Variants in DYTN observed in about 807,000 individuals in gnomAD.
DYTN encodes the protein dystrotelin.
In DYTN, 75 loss-of-function variants were observed where a neutral mutation model predicts 69.6. The ratio of observed to expected loss-of-function variants is 1.08; its 90% confidence interval spans 0.89 to 1.31. The LOEUF is 1.31. Among genes scored for constraint, DYTN ranks in the 50% most tolerant of loss-of-function variants. DYTN has a pLI of 0.00. For synonymous variants in DYTN, 252 were observed against 249.1 expected, an observed-to-expected ratio of 1.01 and a Z score of -0.11; for missense variants, 726 against 688.4, an observed-to-expected ratio of 1.05 and a Z score of -0.61.
chr2:206,677,515 A>G (rs915954041), intron 9 of DYTN, among the ~76,000 whole-genome samples: 3 of 152,034 alleles, frequency 2.0e-5, no homozygotes, highest in Non-Finnish European at 4.4e-5. Context: ...GGAATAGGGG[A>G]CTCTCTTAGC....
intron 11 of DYTN, among the ~76,000 whole-genome samples, chr2:206,653,889 A>C (rs1037728449): frequency 1.3e-5 from 2 of 152,194 alleles, no homozygotes; most frequent in Non-Finnish European, 2.9e-5. Context: ...CAACACCGTC[A>C]TCTCTTGGCT....
At chr2:206,659,846 A>C (rs557920450) in intron 11 of DYTN, among the ~76,000 whole-genome samples, 19 of 152,328 alleles carry the variant, frequency 1.2e-4, no homozygotes, top group African/African-American at 4.3e-4. Context: ...AACGGTAGCC[A>C]TGAAGATTAA....
At chr2:206,660,009 TTTTTCTTGCA>T (rs1553571346) in intron 11 of DYTN, among the ~76,000 whole-genome samples, 1 of 151,814 alleles carries the variant, frequency 6.6e-6, no homozygotes, top group Non-Finnish European at 1.5e-5. Flanking sequence ...ATGTGTACTT[TTTTTCTTGCA>T]AAGAAAAAAA....
At chr2:206,653,998 A>G (rs1008132203) in intron 11 of DYTN, among the ~76,000 whole-genome samples, 4 of 152,164 alleles carry the variant, frequency 2.6e-5, no homozygotes, top group African/African-American at 7.2e-5. Flanking sequence ...ATAGAAACAT[A>G]CCCCACTTCA....
chr2:206,686,189 T>G (rs13016009), intron 9 of DYTN, among the ~76,000 whole-genome samples: 23,730 of 152,130 alleles, frequency 0.16, 2,052 homozygotes, highest in East Asian at 0.21. Flanking sequence ...CTCCAATGGC[T>G]GTCACAACAG....
At chr2:206,714,782 T>G (rs1438885133) in intron 1 of DYTN, among the ~76,000 whole-genome samples, 2 of 152,114 alleles carry the variant, frequency 1.3e-5, no homozygotes, top group African/African-American at 4.8e-5. Flanking sequence ...TCCCATGTCT[T>G]CAAGTGGAAT....
intron 11 of DYTN, among the ~76,000 whole-genome samples, chr2:206,657,207 AG>A (rs1699460321): frequency 6.6e-6 from 1 of 152,156 alleles, no homozygotes; most frequent in Admixed American, 6.5e-5. Flanking sequence ...TCAAACACCA[AG>A]GCTCAAGTGA....
At chr2:206,652,286 G>A (rs555066749) in intron 11 of DYTN, among the ~76,000 whole-genome samples, 4 of 152,128 alleles carry the variant, frequency 2.6e-5, no homozygotes, top group Non-Finnish European at 5.9e-5. Context: ...CAGGTGGGAC[G>A]GAGCCTGAGC....
chr2:206,690,934 A>C (rs557047090), intron 9 of DYTN, among the ~76,000 whole-genome samples: 139 of 152,276 alleles, frequency 9.1e-4, no homozygotes, highest in African/African-American at 3.0e-3. Flanking sequence ...GACCAAAAGG[A>C]CCAAGACTAA....
intron 3 of DYTN, 93 bp downstream of exon 3, chr2:206,707,209 C>T (rs563777027): frequency 2.1e-6 from 3 of 1,462,486 alleles, no homozygotes; most frequent in Non-Finnish European, 2.8e-6. Flanking sequence ...ATATACCAAA[C>T]CTCAAGCAAA....
intron 9 of DYTN, among the ~76,000 whole-genome samples, chr2:206,675,141 G>A (rs28542671): frequency 7.1e-6 from 1 of 141,076 alleles, no homozygotes; most frequent in African/African-American, 2.6e-5. Context: ...GTGTGTGTGT[G>A]TGTGTATATA....
At chr2:206,664,785 G>A (rs952743349) in intron 10 of DYTN, among the ~76,000 whole-genome samples, 1 of 152,144 alleles carries the variant, frequency 6.6e-6, no homozygotes, top group Non-Finnish European at 1.5e-5. Flanking sequence ...TAATTACATT[G>A]GCAGTGACAT....
chr2:206,709,273 C>T (rs540425878), intron 2 of DYTN, among the ~76,000 whole-genome samples: 9 of 152,156 alleles, frequency 5.9e-5, no homozygotes, highest in Middle Eastern at 3.4e-3. Flanking sequence ...CATGGCGAAA[C>T]CCTGTCTCTA....
At chr2:206,683,034 C>A (rs542984910) in intron 9 of DYTN, among the ~76,000 whole-genome samples, 4 of 152,092 alleles carry the variant, frequency 2.6e-5, no homozygotes, top group Non-Finnish European at 5.9e-5. Context: ...ATCACATAAT[C>A]CCCTACACCA....
Position 206,707,460 on chromosome 2 carries a change from A to C in DYTN, c.138T>G (p.Arg46=). The C allele has an allele frequency of 6.2e-7, 1 of 1,612,426 alleles. No homozygotes were observed. Among genetic ancestry groups the C allele is most frequent in the Admixed American group, 1.7e-5 (1 of 59,846 alleles). The change falls in exon 3 of 12, where the codon CGT becomes CGG. Residue 46 remains arginine, a synonymous_variant. Coordinates refer to ENST00000452335, the MANE Select transcript of DYTN (RefSeq NM_001093730.1). ...GCTTGCGAGCTTCCCAGAAACTTGGACGCAGTAGGACCTGCTGAATCAGGG... is the reference window on the plus strand; with the variant it reads ...GCTTGCGAGCTTCCCAGAAACTTGGCCGCAGTAGGACCTGCTGAATCAGGG... ...DSSLIQQVLL[R]PSFWEARKHS... is the part of the protein sequence containing the mutation.
chr2:206,663,141 T>C lies in DYTN; in HGVS notation c.1395A>G (p.Ala465=). The C allele has an allele frequency of 6.2e-7, 1 of 1,613,980 alleles. No homozygotes were observed. Among genetic ancestry groups the C allele is most frequent in the Non-Finnish European group, 8.5e-7 (1 of 1,179,884 alleles). The change falls in exon 11 of 12, where the codon GCA becomes GCG. Residue 465 remains alanine (A), a synonymous_variant. Coordinates refer to ENST00000452335, the MANE Select transcript of DYTN (RefSeq NM_001093730.1). ...SPETTLHSTR[A]QSQTQKMPQK... ...GTGGCATCTTTTGTGTTTGGCTTTGTGCCCTGGTGCTGTGCAAAGTGGTCT... is the reference window on the plus strand; with the variant it reads ...GTGGCATCTTTTGTGTTTGGCTTTGCGCCCTGGTGCTGTGCAAAGTGGTCT...
intron 9 of DYTN, among the ~76,000 whole-genome samples, chr2:206,692,347 G>T (rs1699872637): frequency 6.6e-6 from 1 of 151,906 alleles, no homozygotes; most frequent in African/African-American, 2.4e-5. Flanking sequence ...AAAAATGAAG[G>T]TCACAAAAAC....
chr2:206,712,144 C>G (rs766530478), intron 1 of DYTN, among the ~76,000 whole-genome samples: 29 of 152,168 alleles, frequency 1.9e-4, no homozygotes, highest in Non-Finnish European at 3.2e-4. Flanking sequence ...ACCACAGCAG[C>G]AACATCGCCT....
chr2:206,699,264 T>A (rs941562428), intron 7 of DYTN, among the ~76,000 whole-genome samples: 1 of 152,052 alleles, frequency 6.6e-6, no homozygotes, highest in Admixed American at 6.5e-5. Context: ...TAAGATCCCA[T>A]CTCTACAAAA....
Sources: allele counts gnomAD v4.1 joint callset (sites outside exome capture counted in the v4.1 genomes callset), GRCh38; gene constraint gnomAD v4.1.1; transcripts MANE v1.5; gene names NCBI Gene and HGNC (gene_info 2026-07-23, HGNC 2026-07-21).